The following RNF220 variants were observed in gnomAD, a reference collection of about 807,000 sequenced individuals.
RNF220 encodes E3 ubiquitin-protein ligase RNF220.
In RNF220, 7 loss-of-function variants were observed where a neutral mutation model predicts 67.1. The ratio of observed to expected loss-of-function variants is 0.10; its 90% confidence interval spans 0.06 to 0.20. The LOEUF is 0.20. Ranked by LOEUF, RNF220 falls within the 10% of genes least tolerant of loss-of-function variation. RNF220 has a pLI of 1.00. For synonymous variants in RNF220, 270 were observed against 283.2 expected (o/e 0.95, Z 0.47); for missense variants, 565 against 740.3 (o/e 0.76, Z 2.75).
chr1:44,595,289 C>A (rs1048426135), intron 2 of RNF220, among the ~76,000 whole-genome samples: 2 of 152,180 alleles, frequency 1.3e-5, no homozygotes, highest in Non-Finnish European at 2.9e-5. Context: ...CCTAACACCC[C>A]CTCCCAGTGC....
At chr1:44,487,453 T>C (rs1656412310) in intron 2 of RNF220, among the ~76,000 whole-genome samples, 1 of 151,574 alleles carries the variant, frequency 6.6e-6, no homozygotes, top group Admixed American at 6.6e-5. Context: ...TTTGCAGAAT[T>C]TGGGTTTTGA....
At chr1:44,644,898 A>G in intron 9 of RNF220, 97 bp from the exon 10 acceptor site, 3 of 1,538,834 alleles carry the variant, frequency 1.9e-6, no homozygotes, top group East Asian at 4.5e-5. Flanking sequence ...CCCGGGCCAG[A>G]GTCTCAGCTT....
At chr1:44,464,788 C>G (rs1364314435) in intron 2 of RNF220, among the ~76,000 whole-genome samples, 6 of 152,202 alleles carry the variant, frequency 3.9e-5, no homozygotes, top group Non-Finnish European at 8.8e-5. Context: ...TCTTCATTCT[C>G]ACTACATTGC....
intron 2 of RNF220, among the ~76,000 whole-genome samples, chr1:44,550,115 A>G (rs1173096336): frequency 6.6e-5 from 10 of 152,232 alleles, no homozygotes; most frequent in Admixed American, 5.9e-4. Context: ...AAAGGGATAG[A>G]AAGAGAGCAA....
At chr1:44,410,251 T>TG (rs1647830590) in intron 1 of RNF220, among the ~76,000 whole-genome samples, 1 of 152,230 alleles carries the variant, frequency 6.6e-6, no homozygotes, top group African/African-American at 2.4e-5. Flanking sequence ...ATTTCTGTTG[T>TG]GAAGAGCTGC....
intron 2 of RNF220, among the ~76,000 whole-genome samples, chr1:44,472,450 A>G (rs1654899513): frequency 6.6e-6 from 1 of 152,100 alleles, no homozygotes; most frequent in South Asian, 2.1e-4. Context: ...GTGTAAAGCA[A>G]TATCTCATTG....
At chr1:44,550,242 A>G (rs1454880885) in intron 2 of RNF220, among the ~76,000 whole-genome samples, 3 of 152,220 alleles carry the variant, frequency 2.0e-5, no homozygotes, top group African/African-American at 4.8e-5. Flanking sequence ...GAAGTGGGCC[A>G]AGAAGGCTCG....
Position 44,650,827 on chromosome 1 carries a change from C to T in RNF220, c.*52C>T. On this transcript the variant is annotated 3_prime_UTR_variant, in exon 15 of 15. Coordinates refer to ENST00000361799, the MANE Select transcript of RNF220 (RefSeq NM_018150.4). This position sits in a 1 kb window ranked among gnomAD's most constrained non-coding sequence, Gnocchi z 4.3. ...TCCAGCAGCCCCACCTGCCCCCAGC[C>T]TCTGTGACAGTGACCGTCTCCCTTT... 6.5e-7 allele frequency: 1 copy of T among 1,538,602 alleles called. No individual in the cohort carries two copies. Among genetic ancestry groups the T allele is most frequent in the East Asian group, 2.2e-5 (1 of 44,550 alleles).
chr1:44,508,449 C>A (rs891284780), intron 2 of RNF220, among the ~76,000 whole-genome samples: 1 of 152,206 alleles, frequency 6.6e-6, no homozygotes, highest in African/African-American at 2.4e-5. Context: ...CCCATCTTCC[C>A]TTCTGCTGCT....
intron 2 of RNF220, among the ~76,000 whole-genome samples, chr1:44,418,823 G>A (rs1648893008): frequency 6.6e-6 from 1 of 152,064 alleles, no homozygotes; most frequent in Non-Finnish European, 1.5e-5. Flanking sequence ...GGCACACATT[G>A]AAATGTATTC....
intron 2 of RNF220, among the ~76,000 whole-genome samples, chr1:44,438,712 C>T (rs1253530101): frequency 2.6e-5 from 4 of 152,162 alleles, no homozygotes; most frequent in Non-Finnish European, 4.4e-5. Flanking sequence ...GACAACCTCC[C>T]GCTGGCTATC....
chr1:44,566,242 T>G (rs752212783), intron 2 of RNF220, among the ~76,000 whole-genome samples: 14 of 152,176 alleles, frequency 9.2e-5, no homozygotes, highest in Non-Finnish European at 2.1e-4. Flanking sequence ...TAGCATTGGC[T>G]TTCAGAGAGG....
rs148290960 is a variant in RNF220 at position 44,596,167 on chromosome 1, G to A, written c.626-17998G>A. ...CAACTCAAGGAAGGGGAGCAGGTAG[G>A]ATATTTCTGGGATATTTCCACTGTA... is the stretch of plus-strand genomic sequence containing the variant. On this transcript the variant is annotated intron_variant, in intron 2 of 14. Coordinates refer to ENST00000361799, the MANE Select transcript of RNF220 (RefSeq NM_018150.4). 1.2e-4 allele frequency among the ~76,000 whole-genome samples: 18 copies of A among 152,356 alleles called. No homozygotes were observed. The Middle Eastern group carries it at 0.014, about 115-fold the overall frequency.
intron 12 of RNF220, among the ~76,000 whole-genome samples, chr1:44,647,294 G>C (rs1032732803): frequency 6.6e-6 from 1 of 152,196 alleles, no homozygotes; most frequent in African/African-American, 2.4e-5. Context: ...CAAATTCTCA[G>C]CTTAGTCCTT....
rs148992250 is a variant in RNF220, at chr1:44,530,793, G to A, written c.626-83372G>A. 2.6e-3 allele frequency among the ~76,000 whole-genome samples: 393 copies of A among 151,980 alleles called. 5 individuals carry two copies. Among genetic ancestry groups the A allele is most frequent in the African/African-American group, 8.6e-3 (356 of 41,460 alleles). ...AGCCTGACCAACGTGGTAAAACCCT[G>A]TCTCTACTAAAAATACAAAATTAGC... On this transcript the variant is annotated intron_variant, in intron 2 of 14. Transcript: ENST00000361799.
At chr1:44,424,373 T>C (rs1172656300) in intron 2 of RNF220, among the ~76,000 whole-genome samples, 2 of 152,156 alleles carry the variant, frequency 1.3e-5, no homozygotes, top group African/African-American at 4.8e-5. Flanking sequence ...GGGCCCACAC[T>C]AGACTTCATC....
At chr1:44,539,489 G>A (rs1661510630) in intron 2 of RNF220, among the ~76,000 whole-genome samples, 1 of 152,192 alleles carries the variant, frequency 6.6e-6, no homozygotes, top group Non-Finnish European at 1.5e-5. Flanking sequence ...AAGACACAAG[G>A]ATTCACGTAG....
At position 44,443,336 on chromosome 1, in the gene RNF220, T is replaced by G. The variant is rs549126075; in HGVS notation, c.625+30614T>G. ...CTAATCAATTTTCATGGCCTAACAA[T>G]TCTGCTTAATAAATACCTCCATCTG... is the stretch of plus-strand genomic sequence containing the variant. On this transcript the variant is annotated intron_variant, in intron 2 of 14. Coordinates refer to ENST00000361799, the MANE Select transcript of RNF220 (RefSeq NM_018150.4). 4.6e-5 allele frequency among the ~76,000 whole-genome samples: 7 copies of G among 152,346 alleles called. 1 individual carries two copies. The East Asian group carries it at 1.2e-3, about 25-fold the overall frequency.
intron 2 of RNF220, among the ~76,000 whole-genome samples, chr1:44,530,102 A>G (rs1362524505): frequency 6.6e-6 from 1 of 152,064 alleles, no homozygotes; most frequent in Non-Finnish European, 1.5e-5. Context: ...GCAACAACAT[A>G]CTTTTTTTGT....
Sources: allele counts gnomAD v4.1 joint callset (sites outside exome capture counted in the v4.1 genomes callset), GRCh38; gene constraint gnomAD v4.1.1; non-coding constraint Gnocchi (gnomAD v3.1); transcripts MANE v1.5; gene names NCBI Gene and HGNC (gene_info 2026-07-23, HGNC 2026-07-21).